WASF1: variants seen among roughly 807,000 people sequenced by gnomAD.
WASF1 encodes WASP family member 1.
Under a neutral mutation model 50.5 loss-of-function variants are expected in WASF1, and 7 were observed. The observed-to-expected ratio is 0.14, with a 90% CI of 0.08 to 0.26. WASF1 has a LOEUF of 0.26. Among genes scored for constraint, WASF1 ranks in the 10% least tolerant of loss-of-function variants. WASF1 has a pLI of 1.00. For synonymous variants in WASF1, 205 were observed against 244.0 expected (o/e 0.84, Z 1.49); for missense variants, 470 against 694.7 (o/e 0.68, Z 3.64).
At chr6:110,101,253 A>G (rs1204173078) in intron 10 of WASF1, among the ~76,000 whole-genome samples, 1 of 152,166 alleles carries the variant, frequency 6.6e-6, no homozygotes, top group East Asian at 1.9e-4. Context: ...AGAAAATACC[A>G]TTTTTAAAGG....
intron 2 of WASF1, among the ~76,000 whole-genome samples, chr6:110,171,692 T>C (rs1045659766): frequency 3.3e-5 from 5 of 152,016 alleles, no homozygotes; most frequent in Non-Finnish European, 5.9e-5. Flanking sequence ...GGGATCTAAT[T>C]AAACTAAAGA....
At chr6:110,132,665 T>C (rs1774736220) in intron 3 of WASF1, among the ~76,000 whole-genome samples, 1 of 151,914 alleles carries the variant, frequency 6.6e-6, no homozygotes. Context: ...ACCCAATGTG[T>C]AGTCTTTTAT....
intron 3 of WASF1, among the ~76,000 whole-genome samples, chr6:110,139,732 T>C (rs1775138649): frequency 6.6e-6 from 1 of 152,174 alleles, no homozygotes; most frequent in South Asian, 2.1e-4. Context: ...CCATGGAGGA[T>C]ACATTCCAAG....
At chr6:110,151,543 A>G (rs1189840143) in intron 3 of WASF1, among the ~76,000 whole-genome samples, 4 of 152,202 alleles carry the variant, frequency 2.6e-5, no homozygotes, top group African/African-American at 9.7e-5. Flanking sequence ...GATTGGTCTA[A>G]ACAATAGGAT....
chr6:110,133,161 G>C (rs1232563060), intron 3 of WASF1, among the ~76,000 whole-genome samples: 1 of 151,778 alleles, frequency 6.6e-6, no homozygotes, highest in Non-Finnish European at 1.5e-5. Flanking sequence ...ATTTGGGCTG[G>C]TTCCATATTT....
intron 4 of WASF1, among the ~76,000 whole-genome samples, chr6:110,125,637 G>C (rs1479345021): frequency 6.6e-6 from 1 of 152,086 alleles, no homozygotes; most frequent in Non-Finnish European, 1.5e-5. Flanking sequence ...ATGTCAAGTG[G>C]GAAAGCTGCC....
At chr6:110,172,383 G>C (rs981491810) in intron 2 of WASF1, among the ~76,000 whole-genome samples, 3 of 151,704 alleles carry the variant, frequency 2.0e-5, no homozygotes, top group Non-Finnish European at 1.5e-5. Flanking sequence ...AGGAAATCAA[G>C]AGAAAAAAAC....
chr6:110,160,191 G>A (rs1201796450), intron 3 of WASF1, among the ~76,000 whole-genome samples: 1 of 151,754 alleles, frequency 6.6e-6, no homozygotes, highest in African/African-American at 2.4e-5. Flanking sequence ...TTAAAATCAA[G>A]TGTCTAATGA....
intron 9 of WASF1, 146 bp downstream of exon 9, chr6:110,103,232 G>T: frequency 1.4e-6 from 1 of 738,812 alleles, no homozygotes; most frequent in Non-Finnish European, 2.2e-6. Flanking sequence ...TATATTCTAT[G>T]GTGGCTTTCA....
intron 2 of WASF1, among the ~76,000 whole-genome samples, chr6:110,177,384 A>C (rs569862036): frequency 6.6e-6 from 1 of 152,206 alleles, no homozygotes; most frequent in African/African-American, 2.4e-5. Flanking sequence ...GATAGATGAG[A>C]AACATTTTTC....
chr6:110,148,916 G>T (rs1161791316), intron 3 of WASF1, among the ~76,000 whole-genome samples: 1 of 152,196 alleles, frequency 6.6e-6, no homozygotes, highest in Non-Finnish European at 1.5e-5. Flanking sequence ...ATCACCAGAA[G>T]GGGTGAAGCC....
intron 10 of WASF1, among the ~76,000 whole-genome samples, chr6:110,101,008 C>T (rs1208203635): frequency 1.3e-5 from 2 of 152,128 alleles, no homozygotes; most frequent in African/African-American, 4.8e-5. Flanking sequence ...ATAAATTAAA[C>T]ATTGTTGAAT....
chr6:110,124,449 G>T (rs1206357127), intron 4 of WASF1, among the ~76,000 whole-genome samples: 1 of 150,682 alleles, frequency 6.6e-6, no homozygotes, highest in Non-Finnish European at 1.5e-5. Flanking sequence ...TCCTCATCGT[G>T]AGACAAGAAC....
chr6:110,142,595 T>C (rs1775296321), intron 3 of WASF1, among the ~76,000 whole-genome samples: 1 of 152,136 alleles, frequency 6.6e-6, no homozygotes, highest in Admixed American at 6.5e-5. Flanking sequence ...ATCTTTTTCA[T>C]GGGATCCTTT....
chr6:110,118,787 ATTG>A (rs962699963), intron 4 of WASF1, among the ~76,000 whole-genome samples: 6 of 150,220 alleles, frequency 4.0e-5, no homozygotes, highest in African/African-American at 1.5e-4. Flanking sequence ...TGACCACATA[ATTG>A]TAGTAAAACA....
intron 2 of WASF1, among the ~76,000 whole-genome samples, chr6:110,163,469 A>T (rs959416344): frequency 1.3e-5 from 2 of 151,342 alleles, no homozygotes; most frequent in Non-Finnish European, 3.0e-5. Context: ...TGCTATGGGG[A>T]CTTTTTAAAA....
intron 3 of WASF1, among the ~76,000 whole-genome samples, chr6:110,144,185 GT>G (rs1263788111): frequency 6.6e-6 from 1 of 152,106 alleles, no homozygotes; most frequent in East Asian, 1.9e-4. Context: ...TCTCACTGTG[GT>G]TTTGATTTGC....
At chr6:110,134,489 A>G (rs1417908174) in intron 3 of WASF1, among the ~76,000 whole-genome samples, 1 of 150,340 alleles carries the variant, frequency 6.7e-6, no homozygotes, top group Non-Finnish European at 1.5e-5. Context: ...CGGTGGCACG[A>G]TCTCAGCTCA....
At chr6:110,146,942 T>G (rs1172690945) in intron 3 of WASF1, among the ~76,000 whole-genome samples, 1 of 152,088 alleles carries the variant, frequency 6.6e-6, no homozygotes, top group Non-Finnish European at 1.5e-5. Context: ...AAAGAACTAG[T>G]CATCATGCTG....
Sources: allele counts gnomAD v4.1 joint callset (sites outside exome capture counted in the v4.1 genomes callset), GRCh38; gene constraint gnomAD v4.1.1; transcripts MANE v1.5; gene names NCBI Gene and HGNC (gene_info 2026-07-23, HGNC 2026-07-21).